AGBL1: variants seen among roughly 807,000 people sequenced by gnomAD.
AGBL1 encodes the protein AGBL carboxypeptidase 1.
In AGBL1, 130 loss-of-function variants were observed where a neutral mutation model predicts 118.9. The ratio of observed to expected loss-of-function variants is 1.09; its 90% confidence interval spans 0.95 to 1.26. The LOEUF (loss-of-function observed/expected upper bound fraction) is 1.26, where lower values mean the gene tolerates loss of function less well. AGBL1 is among the 50% of genes most tolerant of loss of function. The pLI, the probability that AGBL1 is intolerant of heterozygous loss-of-function variation, is 0.00. For synonymous variants in AGBL1, 555 were observed against 478.9 expected (o/e 1.16, Z -2.08); for missense variants, 1,584 against 1,298.1 (o/e 1.22, Z -3.38).
intron 22 of AGBL1, among the ~76,000 whole-genome samples, chr15:86,711,208 C>G (rs902338079): frequency 6.6e-6 from 1 of 152,156 alleles, no homozygotes; most frequent in Non-Finnish European, 1.5e-5. Context: ...AAATACCTGT[C>G]CAAGAGATCA....
intron 21 of AGBL1, among the ~76,000 whole-genome samples, chr15:86,650,102 C>T (rs955104740): frequency 6.6e-6 from 1 of 152,082 alleles, no homozygotes; most frequent in African/African-American, 2.4e-5. Context: ...ATATCTAGTT[C>T]TTTTTGTGGC....
chr15:86,538,008 T>C (rs530386360), intron 19 of AGBL1, among the ~76,000 whole-genome samples: 1 of 152,334 alleles, frequency 6.6e-6, no homozygotes, highest in Non-Finnish European at 1.5e-5. Context: ...GTAACTGAAA[T>C]ATTTTGGAAA....
intron 6 of AGBL1, among the ~76,000 whole-genome samples, chr15:86,237,430 G>A (rs2078570278): frequency 6.6e-6 from 1 of 152,214 alleles, no homozygotes; most frequent in Admixed American, 6.5e-5. Flanking sequence ...CTGGTGGACA[G>A]ACGGGTGCCT....
intron 17 of AGBL1, chr15:86,296,091 T>C (rs1567184075): frequency 6.6e-6 from 1 of 152,072 alleles, no homozygotes; most frequent in African/African-American, 2.4e-5. Flanking sequence ...TACAGACACG[T>C]ACACACAAAC....
intron 22 of AGBL1, among the ~76,000 whole-genome samples, chr15:86,799,415 G>T: frequency 6.6e-6 from 1 of 152,102 alleles, no homozygotes; most frequent in Non-Finnish European, 1.5e-5. Flanking sequence ...GGCGAATAGG[G>T]TGGGTGTTAA....
intron 22 of AGBL1, among the ~76,000 whole-genome samples, chr15:86,764,985 T>A (rs1196667227): frequency 4.0e-5 from 6 of 151,884 alleles, no homozygotes; most frequent in African/African-American, 1.5e-4. Flanking sequence ...CCATTGCAGG[T>A]GGATAGATAG....
At chr15:86,964,854 T>C (rs1223839184) in intron 23 of AGBL1, among the ~76,000 whole-genome samples, 1 of 152,002 alleles carries the variant, frequency 6.6e-6, no homozygotes, top group Non-Finnish European at 1.5e-5. Context: ...ATTGTTCAAC[T>C]CCCACTTATG....
At chr15:86,850,504 G>A (rs28410610) in intron 22 of AGBL1, among the ~76,000 whole-genome samples, 22,322 of 152,052 alleles carry the variant, frequency 0.15, 2,298 homozygotes, top group African/African-American at 0.3. Context: ...GCCCCACTGC[G>A]CCCACATTGC....
chr15:86,793,939 T>C (rs182765250), intron 22 of AGBL1, among the ~76,000 whole-genome samples: 1 of 152,188 alleles, frequency 6.6e-6, no homozygotes, highest in Admixed American at 6.5e-5. Context: ...TAATAAAAAA[T>C]ATGGAAAGTA....
chr15:86,407,962 C>A (rs538092242), intron 18 of AGBL1, among the ~76,000 whole-genome samples: 1 of 152,054 alleles, frequency 6.6e-6, no homozygotes, highest in South Asian at 2.1e-4. Flanking sequence ...GGCAGAGGAC[C>A]AGGACTCCTC....
intron 18 of AGBL1, among the ~76,000 whole-genome samples, chr15:86,468,148 T>C (rs1023657027): frequency 6.6e-6 from 1 of 152,142 alleles, no homozygotes; most frequent in Non-Finnish European, 1.5e-5. Flanking sequence ...GATACTTGGA[T>C]AATTCACACT....
chr15:86,960,444 G>A (rs1048078033), intron 23 of AGBL1, among the ~76,000 whole-genome samples: 2 of 152,008 alleles, frequency 1.3e-5, no homozygotes, highest in African/African-American at 4.8e-5. Flanking sequence ...TTCAAGTAGA[G>A]CTTGACACAA....
intron 22 of AGBL1, among the ~76,000 whole-genome samples, chr15:86,755,415 G>C (rs1439633086): frequency 6.6e-6 from 1 of 152,108 alleles, no homozygotes; most frequent in Non-Finnish European, 1.5e-5. Flanking sequence ...GTTAGGTTTA[G>C]AGTGGTGGGT....
chr15:86,664,624 A>G (rs2085610162), intron 21 of AGBL1, among the ~76,000 whole-genome samples: 2 of 152,168 alleles, frequency 1.3e-5, no homozygotes, highest in Non-Finnish European at 2.9e-5. Flanking sequence ...CCTGCCAAGT[A>G]GACACAAGCC....
At chr15:86,994,297 A>G (rs2081359368) in intron 24 of AGBL1, among the ~76,000 whole-genome samples, 1 of 148,120 alleles carries the variant, frequency 6.8e-6, no homozygotes, top group African/African-American at 2.6e-5. Flanking sequence ...CAACAAGGGA[A>G]TATCTCTCTC....
chr15:86,707,513 A>C (rs1315184994), intron 22 of AGBL1, among the ~76,000 whole-genome samples: 1 of 152,108 alleles, frequency 6.6e-6, no homozygotes, highest in Non-Finnish European at 1.5e-5. Flanking sequence ...CACATCCCTC[A>C]TGTTCTAAAG....
At chr15:86,998,955 T>A (rs987647116) in intron 24 of AGBL1, among the ~76,000 whole-genome samples, 21 of 151,232 alleles carry the variant, frequency 1.4e-4, no homozygotes, top group African/African-American at 4.4e-4. Context: ...GTTGGTGTGC[T>A]GCACTCATTA....
chr15:86,979,490 T>C (rs892491180), intron 23 of AGBL1, among the ~76,000 whole-genome samples: 1 of 103,134 alleles, frequency 9.7e-6, no homozygotes, highest in African/African-American at 3.5e-5. Context: ...TTTTTCTTTC[T>C]TTTTTTTGGC....
intron 22 of AGBL1, among the ~76,000 whole-genome samples, chr15:86,801,193 TTTTAAG>T (rs1431959332): frequency 2.6e-5 from 4 of 152,082 alleles, no homozygotes; most frequent in African/African-American, 7.2e-5. Flanking sequence ...CCTTTAGTTC[TTTTAAG>T]TTTTTCTTCT....
Sources: gnomAD v4.1 joint callset for allele counts (sites outside exome capture counted in the v4.1 genomes callset) on GRCh38, gnomAD v4.1.1 for gene constraint, MANE v1.5 for transcripts, NCBI Gene and HGNC (gene_info 2026-07-23, HGNC 2026-07-21) for gene names.